EML2: variants seen among roughly 807,000 people sequenced by gnomAD.
The protein encoded by EML2 is echinoderm microtubule-associated protein-like 2.
A neutral mutation model predicts 84.7 loss-of-function variants in EML2; 59 were observed. That is an observed-to-expected ratio of 0.70 (90% confidence interval 0.56 to 0.86). EML2 has a LOEUF of 0.86. EML2 is among the 40% of genes least tolerant of loss of function. EML2 has a pLI of 0.00. For synonymous variants in EML2, 352 were observed against 348.9 expected (o/e 1.01, Z -0.10); for missense variants, 818 against 855.6 (o/e 0.96, Z 0.55).
At chr19:45,622,958 A>G (rs1029897447) in intron 9 of EML2, among the ~76,000 whole-genome samples, 8 of 150,836 alleles carry the variant, frequency 5.3e-5, no homozygotes, top group African/African-American at 2.0e-4. Flanking sequence ...CTGAGGCAAG[A>G]GAATGGTGAA....
upstream of EML2, chr19:45,641,463 C>T: frequency 1.6e-6 from 1 of 633,472 alleles, no homozygotes; most frequent in South Asian, 1.9e-5. Flanking sequence ...CCCTCCCAGA[C>T]CTTCCACTGT....
At chr19:45,636,435 G>A (rs913559894) in intron 3 of EML2, among the ~76,000 whole-genome samples, 2 of 152,020 alleles carry the variant, frequency 1.3e-5, no homozygotes, top group Non-Finnish European at 2.9e-5. Context: ...TGTTTGTTTT[G>A]TTTTTTTCAT....
At chr19:45,639,224 G>T (rs1265767006) in intron 1 of EML2, 133 bp downstream of exon 1, 6 of 991,860 alleles carry the variant, frequency 6.0e-6, no homozygotes, top group Non-Finnish European at 8.6e-6. Flanking sequence ...CAAGCAGAGG[G>T]AGAAACGGGG....
intron 3 of EML2, among the ~76,000 whole-genome samples, chr19:45,635,901 T>C (rs192108295): frequency 9.8e-4 from 149 of 152,112 alleles, no homozygotes; most frequent in African/African-American, 3.3e-3. Flanking sequence ...CTATGTCTGT[T>C]TCTTAATCCC....
chr19:45,637,144 C>A (rs1031988676), intron 3 of EML2, among the ~76,000 whole-genome samples: 4 of 152,188 alleles, frequency 2.6e-5, no homozygotes, highest in Non-Finnish European at 5.9e-5. Context: ...AGGCTCTGGG[C>A]ACCCAGAAGG....
intron 6 of EML2, chr19:45,632,614 G>A (rs1973186057): frequency 4.0e-6 from 2 of 493,872 alleles, no homozygotes; most frequent in Non-Finnish European, 7.4e-6. Context: ...GCCAAAACCC[G>A]CCTGCAAATG....
intron 9 of EML2, 83 bp downstream of exon 9, chr19:45,624,636 A>G: frequency 1.0e-6 from 1 of 1,002,186 alleles, no homozygotes; most frequent in Non-Finnish European, 1.5e-6. Context: ...CATTTCACAC[A>G]AGCAGAATTC....
At chr19:45,642,495 G>A, upstream of EML2, 1 of 1,431,956 alleles carries the variant, frequency 7.0e-7, no homozygotes, top group Non-Finnish European at 9.1e-7. Flanking sequence ...ACTTGGACAT[G>A]AGCCAAGGAA....
intron 6 of EML2, 49 bp downstream of exon 6, chr19:45,632,812 C>T (rs1417904056): frequency 6.5e-7 from 1 of 1,532,102 alleles, no homozygotes; most frequent in Non-Finnish European, 9.0e-7. Context: ...GGGCACTTGC[C>T]CTCCTTTTCG....
At chr19:45,612,520 A>G (rs1425702913) in intron 18 of EML2, among the ~76,000 whole-genome samples, 1 of 152,120 alleles carries the variant, frequency 6.6e-6, no homozygotes, top group Non-Finnish European at 1.5e-5. Flanking sequence ...TGAAAAATAC[A>G]AAAATTGGCC....
In EML2 at chr19:45,609,438, A is replaced by G. The variant is rs1970255303; in HGVS notation, c.*225T>C. 2 of 440,316 alleles carry G rather than the reference A, an allele frequency of 4.5e-6. No homozygotes were observed. Among genetic ancestry groups the G allele is most frequent in the Non-Finnish European group, 7.9e-6 (2 of 253,718 alleles). The allele number at this position is 440,316 out of a possible 1,614,324, so 27.3% of individuals were successfully genotyped here. ...CTTTATTTCTGGATGATATAAAAGA[A>G]AAAACTTAAAAAACACCCCAAACCA... On this transcript the variant is annotated 3_prime_UTR_variant, in exon 19 of 19. Coordinates refer to ENST00000245925, the MANE Select transcript of EML2 (RefSeq NM_012155.4).
intron 9 of EML2, among the ~76,000 whole-genome samples, chr19:45,624,243 A>G (rs1972043419): frequency 6.6e-6 from 1 of 152,190 alleles, no homozygotes; most frequent in Non-Finnish European, 1.5e-5. Context: ...CATTAGTGGT[A>G]ACAACCACTC....
upstream of EML2, chr19:45,643,774 C>A: frequency 6.7e-7 from 1 of 1,486,364 alleles, no homozygotes; most frequent in Non-Finnish European, 8.9e-7. Flanking sequence ...AATCGCCTGC[C>A]GAGGCTTGCC....
At chr19:45,619,917 G>C (rs958751442) in intron 11 of EML2, among the ~76,000 whole-genome samples, 3 of 151,982 alleles carry the variant, frequency 2.0e-5, no homozygotes, top group Non-Finnish European at 4.4e-5. Context: ...CAGTTGTGGT[G>C]GTGCACACTT....
At chr19:45,644,839 C>T, upstream of EML2, 1 of 455,446 alleles carries the variant, frequency 2.2e-6, no homozygotes, top group South Asian at 1.5e-5. Context: ...GTCCTCTGGC[C>T]GTCCCTTTCC....
intron 3 of EML2, among the ~76,000 whole-genome samples, chr19:45,635,141 G>A (rs917064420): frequency 7.3e-5 from 11 of 151,554 alleles, no homozygotes; most frequent in African/African-American, 1.9e-4. Context: ...GAGCCACCAC[G>A]CGCGGCCTGT....
At chr19:45,616,969 G>T in intron 13 of EML2, 116 bp from the exon 14 acceptor site, 1 of 748,658 alleles carries the variant, frequency 1.3e-6, no homozygotes, top group East Asian at 2.7e-5. Context: ...ACCTGGGCTG[G>T]GCACGGTGGC....
intron 7 of EML2, among the ~76,000 whole-genome samples, chr19:45,629,165 TG>T (rs1972731021): frequency 6.6e-6 from 1 of 152,138 alleles, no homozygotes; most frequent in Admixed American, 6.6e-5. Context: ...GGTCTCACTC[TG>T]TTGCCCAGGC....
chr19:45,619,434 A>C, intron 11 of EML2: 1 of 320,932 alleles, frequency 3.1e-6, no homozygotes, highest in Non-Finnish European at 5.8e-6. Flanking sequence ...TCTTTGCACA[A>C]TGGGAGGCAG....
Sources: allele counts gnomAD v4.1 joint callset (sites outside exome capture counted in the v4.1 genomes callset), GRCh38; gene constraint gnomAD v4.1.1; transcripts MANE v1.5; gene names NCBI Gene and HGNC (gene_info 2026-07-23, HGNC 2026-07-21).